MACROD2: variants seen among roughly 807,000 people sequenced by gnomAD.
MACROD2 encodes ADP-ribose glycohydrolase MACROD2.
In MACROD2, 36 loss-of-function variants were observed where a neutral mutation model predicts 70.4. The observed-to-expected ratio is 0.51, with a 90% CI of 0.39 to 0.68. The LOEUF is 0.68. Among genes scored for constraint, MACROD2 ranks in the 30% least tolerant of loss-of-function variants. The pLI is 0.00. For missense variants in MACROD2, 496 were observed against 538.4 expected (o/e 0.92, Z 0.78); for synonymous variants, 172 against 178.8 (o/e 0.96, Z 0.30).
intron 8 of MACROD2, among the ~76,000 whole-genome samples, chr20:15,801,758 G>C (rs2063728725): frequency 6.6e-6 from 1 of 152,058 alleles, no homozygotes; most frequent in South Asian, 2.1e-4. Flanking sequence ...ATTTTGATAA[G>C]CATTGCATTG....
intron 5 of MACROD2, among the ~76,000 whole-genome samples, chr20:15,034,667 A>G (rs2075299841): frequency 6.6e-6 from 1 of 152,196 alleles, no homozygotes; most frequent in Non-Finnish European, 1.5e-5. Context: ...TGCCCATGAT[A>G]TATTTTGAGT....
intron 12 of MACROD2, among the ~76,000 whole-genome samples, chr20:15,947,865 A>G (rs553816401): frequency 6.6e-6 from 1 of 152,330 alleles, no homozygotes; most frequent in East Asian, 1.9e-4. Flanking sequence ...TTTTTCCACA[A>G]GAATTAACTA....
intron 3 of MACROD2, among the ~76,000 whole-genome samples, chr20:14,358,906 G>T (rs1327175360): frequency 2.0e-5 from 3 of 152,236 alleles, no homozygotes; most frequent in East Asian, 3.9e-4. Flanking sequence ...TTGTAGTGAG[G>T]CCAGGCATGG....
At chr20:15,726,735 A>C (rs1002290006) in intron 8 of MACROD2, among the ~76,000 whole-genome samples, 2 of 152,086 alleles carry the variant, frequency 1.3e-5, no homozygotes, top group Non-Finnish European at 2.9e-5. Flanking sequence ...CTTCTTTTAA[A>C]AGCATCTATT....
intron 3 of MACROD2, among the ~76,000 whole-genome samples, chr20:14,441,860 A>G (rs1420683528): frequency 6.6e-6 from 1 of 152,186 alleles, no homozygotes; most frequent in Non-Finnish European, 1.5e-5. Flanking sequence ...TACAATGTTG[A>G]TAGTGATGTA....
intron 3 of MACROD2, among the ~76,000 whole-genome samples, chr20:14,220,181 C>G (rs1467104898): frequency 1.3e-5 from 2 of 152,042 alleles, no homozygotes; most frequent in African/African-American, 4.8e-5. Flanking sequence ...TGAGCTCAGA[C>G]TGTCCTTGGG....
chr20:15,192,447 G>A (rs1389932850), intron 5 of MACROD2, among the ~76,000 whole-genome samples: 1 of 152,194 alleles, frequency 6.6e-6, no homozygotes. Flanking sequence ...TGAGAGTGAT[G>A]TAGACCTTTA....
intron 8 of MACROD2, among the ~76,000 whole-genome samples, chr20:15,624,858 T>C (rs2049180219): frequency 6.6e-6 from 1 of 152,174 alleles, no homozygotes; most frequent in African/African-American, 2.4e-5. Flanking sequence ...ACATAACAAC[T>C]ATATGAAATC....
chr20:14,202,829 A>G (rs2081490385), intron 3 of MACROD2, among the ~76,000 whole-genome samples: 1 of 152,188 alleles, frequency 6.6e-6, no homozygotes, highest in African/African-American at 2.4e-5. Flanking sequence ...TGGGTGGATC[A>G]CTTGAGGTCA....
At chr20:15,356,908 G>C (rs992300736) in intron 6 of MACROD2, among the ~76,000 whole-genome samples, 3 of 152,158 alleles carry the variant, frequency 2.0e-5, no homozygotes, top group Non-Finnish European at 4.4e-5. Context: ...ACATGTTATG[G>C]ATGTTTTTGC....
intron 16 of MACROD2, among the ~76,000 whole-genome samples, chr20:16,043,999 G>T (rs775128): frequency 0.38 from 57,783 of 151,950 alleles, 12,228 homozygotes; most frequent in South Asian, 0.52. Context: ...TCCCACAATG[G>T]GTTAGGCCTT....
chr20:14,126,671 A>G (rs1160835546), intron 3 of MACROD2, among the ~76,000 whole-genome samples: 2 of 152,056 alleles, frequency 1.3e-5, no homozygotes, highest in Non-Finnish European at 2.9e-5. Context: ...AATTTAAAAC[A>G]TTTTCAATTA....
chr20:15,558,847 T>C (rs902535287), intron 8 of MACROD2, among the ~76,000 whole-genome samples: 3 of 152,218 alleles, frequency 2.0e-5, no homozygotes, highest in Non-Finnish European at 4.4e-5. Context: ...TATGTATTTC[T>C]TATAAAGAAA....
chr20:14,101,185 T>A (rs2148678825), intron 3 of MACROD2, among the ~76,000 whole-genome samples: 1 of 152,094 alleles, frequency 6.6e-6, no homozygotes, highest in Non-Finnish European at 1.5e-5. Flanking sequence ...TTTTATTCCA[T>A]TGGCTACCAC....
intron 6 of MACROD2, among the ~76,000 whole-genome samples, chr20:15,233,311 G>A (rs2076975188): frequency 1.3e-5 from 2 of 152,074 alleles, no homozygotes; most frequent in African/African-American, 4.8e-5. Context: ...GGATAAATTA[G>A]AGTATGATAA....
At chr20:15,593,222 T>C (rs897099089) in intron 8 of MACROD2, among the ~76,000 whole-genome samples, 2 of 152,222 alleles carry the variant, frequency 1.3e-5, no homozygotes, top group African/African-American at 4.8e-5. Flanking sequence ...CCTCATCTCA[T>C]GCTGTGACCC....
chr20:14,718,479 A>G (rs1435259647), intron 5 of MACROD2, among the ~76,000 whole-genome samples: 1 of 151,900 alleles, frequency 6.6e-6, no homozygotes, highest in Non-Finnish European at 1.5e-5. Flanking sequence ...CCCTCCACTG[A>G]TACAGAACCC....
chr20:15,904,517 TTTCAATAAGA>T lies in MACROD2; in HGVS notation c.775+18707_775+18716del, dbSNP rs546589832. Reference sequence around the variant, plus strand: ...TTTTTATTGTTTTTGTCTTGTTGCTTTTCAATAAGAAACTTCCCAGTTAAGGAATGATCAT... The same window carrying T: ...TTTTTATTGTTTTTGTCTTGTTGCTTAACTTCCCAGTTAAGGAATGATCAT... On this transcript the variant is annotated intron_variant, in intron 10 of 17. Coordinates refer to ENST00000684519, the MANE Select transcript of MACROD2 (RefSeq NM_001351661.2). Among the ~76,000 whole-genome samples, 166 of 152,292 alleles carry T rather than the reference TTTCAATAAGA, an allele frequency of 1.1e-3. 5 individuals carry two copies. In the South Asian group the frequency reaches 0.034, roughly 31 times the overall value.
intron 5 of MACROD2, among the ~76,000 whole-genome samples, chr20:15,053,486 A>G (rs2075459133): frequency 6.6e-6 from 1 of 152,214 alleles, no homozygotes; most frequent in South Asian, 2.1e-4. Flanking sequence ...AAAAGGAACA[A>G]GAAAGCCTGG....
Sources: gnomAD v4.1 joint callset for allele counts (sites outside exome capture counted in the v4.1 genomes callset) on GRCh38, gnomAD v4.1.1 for gene constraint, MANE v1.5 for transcripts, NCBI Gene and HGNC (gene_info 2026-07-23, HGNC 2026-07-21) for gene names.